The following ASTN2 variants were observed in gnomAD, a reference collection of about 807,000 sequenced individuals.
The protein encoded by ASTN2 is astrotactin 2, also known as astrotactin-2.
Under a neutral mutation model 139.8 loss-of-function variants are expected in ASTN2, and 54 were observed. That is an observed-to-expected ratio of 0.39 (90% CI 0.31 to 0.48). The LOEUF is 0.48. Among genes scored for constraint, ASTN2 ranks in the 20% least tolerant of loss-of-function variants. The pLI, the probability that ASTN2 is intolerant of heterozygous loss-of-function variation, is 0.95. For synonymous variants in ASTN2, 756 were observed against 719.5 expected (o/e 1.05, Z -0.81); for missense variants, 1,565 against 1,725.1 (o/e 0.91, Z 1.64).
chr9:116,556,728 C>A (rs1026060405), intron 19 of ASTN2, among the ~76,000 whole-genome samples: 1 of 152,118 alleles, frequency 6.6e-6, no homozygotes, highest in Non-Finnish European at 1.5e-5. Context: ...AACCCCATAA[C>A]TCTTTTATAA....
chr9:117,374,998 CCTT>C (rs756660825), intron 1 of ASTN2, among the ~76,000 whole-genome samples: 7 of 152,196 alleles, frequency 4.6e-5, no homozygotes, highest in Admixed American at 2.6e-4. Context: ...TAGAACCAAT[CCTT>C]CTTCCTCTGG....
chr9:117,252,684 C>A (rs1452879761), intron 2 of ASTN2, among the ~76,000 whole-genome samples: 1 of 152,220 alleles, frequency 6.6e-6, no homozygotes, highest in African/African-American at 2.4e-5. Context: ...GTTATCATCA[C>A]CCTCATTTGT....
At chr9:116,977,526 A>G (rs1162198287) in intron 7 of ASTN2, among the ~76,000 whole-genome samples, 2 of 151,810 alleles carry the variant, frequency 1.3e-5, no homozygotes, top group African/African-American at 4.8e-5. Context: ...AATGCTTGCT[A>G]GCATTACACA....
At chr9:117,336,609 G>A (rs1419871405) in intron 1 of ASTN2, among the ~76,000 whole-genome samples, 2 of 152,078 alleles carry the variant, frequency 1.3e-5, no homozygotes, top group Non-Finnish European at 2.9e-5. Flanking sequence ...CTTTGCCAGC[G>A]CCATACTAAA....
intron 1 of ASTN2, among the ~76,000 whole-genome samples, chr9:117,338,286 G>A (rs1828951324): frequency 1.3e-5 from 2 of 152,120 alleles, no homozygotes; most frequent in Admixed American, 1.3e-4. Flanking sequence ...CTCAATGGAT[G>A]TGTCTCCCCC....
chr9:116,487,651 T>C (rs1849382957), intron 19 of ASTN2, 151 bp from the exon 20 acceptor site: 3 of 838,760 alleles, frequency 3.6e-6, no homozygotes, highest in Non-Finnish European at 5.3e-6. Flanking sequence ...GAAACAGATT[T>C]GTATTTAGCC....
At chr9:116,863,286 C>A (rs1247373022) in intron 11 of ASTN2, among the ~76,000 whole-genome samples, 2 of 152,238 alleles carry the variant, frequency 1.3e-5, no homozygotes, top group Non-Finnish European at 2.9e-5. Flanking sequence ...CCCTGTCTTA[C>A]TCTCAAATGG....
intron 3 of ASTN2, among the ~76,000 whole-genome samples, chr9:117,195,656 A>G (rs1269745898): frequency 6.6e-6 from 1 of 152,182 alleles, no homozygotes; most frequent in Non-Finnish European, 1.5e-5. Flanking sequence ...GAACACCAAG[A>G]TAAGACATTG....
At chr9:117,085,632 A>T (rs941836015) in intron 5 of ASTN2, among the ~76,000 whole-genome samples, 1 of 152,088 alleles carries the variant, frequency 6.6e-6, no homozygotes, top group African/African-American at 2.4e-5. Flanking sequence ...TCCATACTGA[A>T]CTAACTTTTC....
chr9:117,207,027 TCCTGAA>T (rs1831949454), intron 3 of ASTN2, among the ~76,000 whole-genome samples: 1 of 152,106 alleles, frequency 6.6e-6, no homozygotes, highest in African/African-American at 2.4e-5. Context: ...ACAGCCCATG[TCCTGAA>T]CCTGAACAGC....
intron 19 of ASTN2, among the ~76,000 whole-genome samples, chr9:116,525,430 G>T (rs1851050129): frequency 6.6e-6 from 1 of 152,178 alleles, no homozygotes; most frequent in South Asian, 2.1e-4. Context: ...ATGGGAGCAG[G>T]TGACTTCTTA....
At chr9:116,754,696 T>G (rs1829490967) in intron 13 of ASTN2, among the ~76,000 whole-genome samples, 1 of 152,182 alleles carries the variant, frequency 6.6e-6, no homozygotes, top group African/African-American at 2.4e-5. Flanking sequence ...TGGCAATCCC[T>G]GTTGTATAGA....
chr9:117,170,544 C>T (rs908753684), intron 3 of ASTN2, among the ~76,000 whole-genome samples: 1 of 152,018 alleles, frequency 6.6e-6, no homozygotes, highest in Admixed American at 6.6e-5. Context: ...TCAGATGATG[C>T]TAAACACTAA....
chr9:116,732,559 G>A (rs1828815459), intron 14 of ASTN2, among the ~76,000 whole-genome samples: 1 of 152,196 alleles, frequency 6.6e-6, no homozygotes, highest in African/African-American at 2.4e-5. Context: ...TCCCTGGGCA[G>A]TGGATAAGGC....
intron 16 of ASTN2, among the ~76,000 whole-genome samples, chr9:116,665,579 G>C (rs1858813111): frequency 6.6e-6 from 1 of 152,060 alleles, no homozygotes; most frequent in Non-Finnish European, 1.5e-5. Context: ...TTCATTAAAA[G>C]GAACAAAGGA....
At chr9:116,613,724 C>T (rs866800648) in intron 19 of ASTN2, 1 of 152,256 alleles carries the variant, frequency 6.6e-6, no homozygotes, top group African/African-American at 2.4e-5. Flanking sequence ...TGGGACGTAT[C>T]TCAAAATAAT....
chr9:117,304,199 A>G (rs1203659946), intron 1 of ASTN2, among the ~76,000 whole-genome samples: 1 of 152,190 alleles, frequency 6.6e-6, no homozygotes, highest in African/African-American at 2.4e-5. Flanking sequence ...CAATTGTCAT[A>G]AGCCACTAAG....
At chr9:116,980,096 C>T (rs7871473) in intron 7 of ASTN2, among the ~76,000 whole-genome samples, 102,828 of 151,992 alleles carry the variant, frequency 0.68, 35,010 homozygotes, top group South Asian at 0.81. Flanking sequence ...GAAAAGCCCC[C>T]GAGTGCTAGC....
rs989322400 is a variant in ASTN2 at position 117,329,166 on chromosome 9, T to C, written c.443-37653A>G. The stretch of plus-strand genomic sequence containing the variant: ...CTTCCAGGCCAAGCAGGTAACCTAC[T>C]GCACTTCCAAGTTCTTTTTTTTTTT... On this transcript the variant is annotated intron_variant, in intron 1 of 22. Coordinates refer to ENST00000313400, the MANE Select transcript of ASTN2 (RefSeq NM_001365068.1). Among the ~76,000 whole-genome samples, 4 of 148,690 alleles carry C rather than the reference T, an allele frequency of 2.7e-5. No homozygotes were observed. The East Asian group carries it at 7.8e-4, about 29-fold the overall frequency.
Sources: gnomAD v4.1 joint callset for allele counts (sites outside exome capture counted in the v4.1 genomes callset) on GRCh38, gnomAD v4.1.1 for gene constraint, MANE v1.5 for transcripts, NCBI Gene and HGNC (gene_info 2026-07-23, HGNC 2026-07-21) for gene names.